The following FAT3 variants were observed in gnomAD, a reference collection of about 807,000 sequenced individuals.
FAT3 encodes the protein protocadherin Fat 3.
FAT3 carries 95 observed loss-of-function variants against 310.2 expected under a neutral mutation model. The observed-to-expected ratio is 0.31, with a 90% CI of 0.26 to 0.36. The LOEUF is 0.36. Among genes scored for constraint, FAT3 ranks in the 10% least tolerant of loss-of-function variants. The pLI, the probability that FAT3 is intolerant of heterozygous loss-of-function variation, is 1.00. For missense variants in FAT3, 5,408 were observed against 5,715.6 expected, an observed-to-expected ratio of 0.95 and a Z score of 1.74; for synonymous variants, 2,314 against 2,192.9, an observed-to-expected ratio of 1.06 and a Z score of -1.54.
At chr11:92,456,829 G>A (rs1951505952) in intron 2 of FAT3, among the ~76,000 whole-genome samples, 1 of 152,068 alleles carries the variant, frequency 6.6e-6, no homozygotes, top group Non-Finnish European at 1.5e-5. Context: ...ACCGTGGCAT[G>A]TGTAAGGTCT....
At chr11:92,499,822 A>G (rs1952884211) in intron 2 of FAT3, among the ~76,000 whole-genome samples, 1 of 151,850 alleles carries the variant, frequency 6.6e-6, no homozygotes, top group African/African-American at 2.4e-5. Flanking sequence ...TGGTGTTGGA[A>G]GTGGATACAC....
chr11:92,431,361 T>G (rs1428796715), intron 2 of FAT3, among the ~76,000 whole-genome samples: 2 of 152,116 alleles, frequency 1.3e-5, no homozygotes, highest in Non-Finnish European at 2.9e-5. Flanking sequence ...TGGGGTTGTT[T>G]GTTTTTTTCT....
intron 3 of FAT3, among the ~76,000 whole-genome samples, chr11:92,672,709 A>G (rs531613086): frequency 2.6e-5 from 4 of 152,282 alleles, no homozygotes; most frequent in Admixed American, 2.6e-4. Flanking sequence ...AATCTGAGAG[A>G]GGAACTGGGA....
At chr11:92,813,594 T>G (rs1947741486) in intron 13 of FAT3, among the ~76,000 whole-genome samples, 1 of 152,210 alleles carries the variant, frequency 6.6e-6, no homozygotes, top group Non-Finnish European at 1.5e-5. Flanking sequence ...TCCCAATCCC[T>G]AACCCCTGAC....
chr11:92,240,658 T>G (rs960709392), intron 1 of FAT3, among the ~76,000 whole-genome samples: 2 of 151,832 alleles, frequency 1.3e-5, no homozygotes, highest in African/African-American at 4.8e-5. Context: ...CTATACAGCC[T>G]AAGGTTGTAA....
chr11:92,526,382 G>A (rs1953862789), intron 3 of FAT3, among the ~76,000 whole-genome samples: 1 of 152,140 alleles, frequency 6.6e-6, no homozygotes, highest in Admixed American at 6.6e-5. Context: ...AAGAAGTTGA[G>A]GCCACAGGTA....
intron 2 of FAT3, among the ~76,000 whole-genome samples, chr11:92,442,105 A>ATTTT (rs1565320166): frequency 3.9e-4 from 8 of 20,354 alleles, no homozygotes; most frequent in African/African-American, 1.4e-3. Context: ...ATATATATAT[A>ATTTT]TATATATTTT....
chr11:92,889,079 C>A, intron 25 of FAT3, 110 bp from the exon 26 acceptor site: 1 of 551,328 alleles, frequency 1.8e-6, no homozygotes, highest in Non-Finnish European at 3.3e-6. Context: ...TTGCATGCCG[C>A]ACCTTCATTG....
Position 92,780,576 on chromosome 11 carries a change from G to C in FAT3, c.4335+6396G>C, listed in dbSNP as rs557128037. On this transcript the variant is annotated intron_variant, in intron 7 of 27. Transcript: ENST00000525166. ...AGGTTAAATAACTAGAGTAGATCAGGGTTTATATCCAGGTTCCAGATCCTG... is the reference window on the plus strand; with the variant it reads ...AGGTTAAATAACTAGAGTAGATCAGCGTTTATATCCAGGTTCCAGATCCTG... Among the ~76,000 whole-genome samples, 4 of 152,210 alleles carry C rather than the reference G, an allele frequency of 2.6e-5. No individual in the cohort carries two copies. In the South Asian group the frequency reaches 6.2e-4, roughly 24 times the overall value.
rs1165890052 is a variant in FAT3, at chr11:92,844,411, C to G, written c.11044C>G (p.Gln3682Glu). 1 of 1,613,866 alleles carries G rather than the reference C, an allele frequency of 6.2e-7. No individual in the cohort carries two copies. The highest frequency in any genetic ancestry group is 8.5e-7 in the Non-Finnish European group (1 of 1,179,904). The change falls in exon 19 of 28, where the codon CAG (glutamine) becomes GAG (glutamate). Residue 3682 changes from glutamine (Q) to glutamate (E), a missense_variant. Transcript: ENST00000525166. The stretch of plus-strand genomic sequence containing the variant: ...GCGGAATGCAGTCCTCACCCAGAAG[C>G]AGGACAGCCTGCGCATCATCAGCAT... ...TLRNAVLTQK[Q>E]DSLRIISIQP...
chr11:92,557,204 A>G (rs1175055839), intron 3 of FAT3, among the ~76,000 whole-genome samples: 1 of 151,896 alleles, frequency 6.6e-6, no homozygotes, highest in Admixed American at 6.6e-5. Context: ...TGTTGACTCC[A>G]TCTGACGTAA....
chr11:92,631,663 T>C (rs1941564652), intron 3 of FAT3, among the ~76,000 whole-genome samples: 1 of 152,180 alleles, frequency 6.6e-6, no homozygotes, highest in Non-Finnish European at 1.5e-5. Context: ...CCGTTTTCTT[T>C]ATAAATTACC....
chr11:92,396,859 A>G (rs1334766488), intron 2 of FAT3, among the ~76,000 whole-genome samples: 1 of 151,980 alleles, frequency 6.6e-6, no homozygotes, highest in African/African-American at 2.4e-5. Context: ...GGCACCCACC[A>G]CCACACCCAG....
chr11:92,369,989 C>T (rs16917439), intron 2 of FAT3, among the ~76,000 whole-genome samples: 11,983 of 152,124 alleles, frequency 0.079, 689 homozygotes, highest in African/African-American at 0.15. Flanking sequence ...TGGGAAATCA[C>T]GAGTAACAAT....
chr11:92,866,590 A>T, intron 21 of FAT3, 151 bp from the exon 22 acceptor site: 2 of 699,628 alleles, frequency 2.9e-6, no homozygotes, highest in Non-Finnish European at 4.6e-6. Flanking sequence ...AGTGGTTAAA[A>T]ATCAAACCAC....
chr11:92,321,212 G>A (rs12798413), intron 1 of FAT3, among the ~76,000 whole-genome samples: 18,650 of 151,934 alleles, frequency 0.12, 1,181 homozygotes, highest in South Asian at 0.18. Context: ...CAAGGCAGGC[G>A]GATCATGAGG....
chr11:92,453,366 C>G (rs1951411460), intron 2 of FAT3, among the ~76,000 whole-genome samples: 1 of 152,206 alleles, frequency 6.6e-6, no homozygotes, highest in Non-Finnish European at 1.5e-5. Flanking sequence ...TGGTTGATTC[C>G]CCTTTCTTTG....
intron 3 of FAT3, among the ~76,000 whole-genome samples, chr11:92,610,905 T>C (rs746895266): frequency 8.5e-5 from 13 of 152,094 alleles, no homozygotes; most frequent in Non-Finnish European, 1.5e-4. Flanking sequence ...CCCTGTGAGA[T>C]GCTTTTGTCT....
chr11:92,386,803 G>A (rs961232400), intron 2 of FAT3, among the ~76,000 whole-genome samples: 1 of 152,212 alleles, frequency 6.6e-6, no homozygotes, highest in East Asian at 1.9e-4. Flanking sequence ...TACAGCTTGA[G>A]TGACACTGGG....
Sources: gnomAD v4.1 joint callset for allele counts (sites outside exome capture counted in the v4.1 genomes callset) on GRCh38, gnomAD v4.1.1 for gene constraint, MANE v1.5 for transcripts, NCBI Gene and HGNC (gene_info 2026-07-23, HGNC 2026-07-21) for gene names.